MTG2: variants seen among roughly 807,000 people sequenced by gnomAD.
MTG2 encodes the protein mitochondrial ribosome associated GTPase 2, also known as mitochondrial ribosome-associated GTPase 2.
MTG2 carries 23 observed loss-of-function variants against 28.6 expected under a neutral mutation model. The ratio of observed to expected loss-of-function variants is 0.80; its 90% CI spans 0.58 to 1.14. The LOEUF (loss-of-function observed/expected upper bound fraction) is 1.14. Ranked by LOEUF, MTG2 falls within the 50% of genes most tolerant of loss-of-function variation. The pLI is 0.00. For missense variants in MTG2, 539 were observed against 552.0 expected, an observed-to-expected ratio of 0.98 and a Z score of 0.24; for synonymous variants, 260 against 251.8, an observed-to-expected ratio of 1.03 and a Z score of -0.31.
At chr20:62,190,292 T>C (rs2057930906) in intron 1 of MTG2, among the ~76,000 whole-genome samples, 1 of 152,230 alleles carries the variant, frequency 6.6e-6, no homozygotes, top group Non-Finnish European at 1.5e-5. Context: ...GCCTTTCATG[T>C]GGATTACTTC....
chr20:62,198,950 T>C (rs1186885818), intron 5 of MTG2, 98 bp downstream of exon 5: 11 of 1,558,660 alleles, frequency 7.1e-6, no homozygotes, highest in Admixed American at 7.0e-5. Context: ...AGAGAACAGC[T>C]TTGCGACTCA....
In MTG2 at chr20:62,201,416, C is replaced by T. The variant is rs1269060741; in HGVS notation, c.*339C>T. The T allele has an allele frequency of 3.3e-6, 1 of 300,358 alleles. No homozygotes were observed. The highest frequency in any genetic ancestry group is 6.3e-6 in the Non-Finnish European group (1 of 158,510). 18.6% of individuals were successfully genotyped at this position (300,358 alleles called of 1,614,324 possible). A position where few individuals can be genotyped will look rare whatever the true frequency, so the allele number is the denominator to read the frequency against. On this transcript the variant is annotated 3_prime_UTR_variant, in exon 7 of 7. Transcript: ENST00000370823. ...TCTCCGCCATGCACGCGTGGACTCT[C>T]GGATGAGCTCAGCAGAACCGCACAG...
chr20:62,199,226 C>A lies in MTG2; in HGVS notation c.795C>A (p.Ile265=). The A allele has an allele frequency of 1.2e-6, 2 of 1,614,100 alleles. No individual in the cohort carries two copies. Among genetic ancestry groups the A allele is most frequent in the Non-Finnish European group, 1.7e-6 (2 of 1,179,954 alleles). ...PFTTLKPHVG[I]VHYEGHLQIA... is the part of the protein sequence containing the mutation. ...CCACCCTGAAGCCCCACGTCGGGATCGTCCACTACGAAGGCCACCTACAAA... is the reference window on the plus strand; with the variant it reads ...CCACCCTGAAGCCCCACGTCGGGATAGTCCACTACGAAGGCCACCTACAAA... Residue 265 remains isoleucine, a synonymous_variant, in exon 6 of 7, where the codon ATC becomes ATA. Transcript: ENST00000370823.
chr20:62,201,490 C>T lies in MTG2; in HGVS notation c.*413C>T, dbSNP rs1033177036. 7.0e-5 allele frequency: 12 copies of T among 170,418 alleles called. No homozygotes were observed. Among genetic ancestry groups the T allele is most frequent in the South Asian group, 3.3e-4 (2 of 6,082 alleles). 10.6% of individuals were successfully genotyped at this position (170,418 alleles called of 1,614,324 possible). ...AGACCAGGGTTCTCAGCACAGTGCCCGTCGTGCTTCCATGGCTTGCTACGG... is the reference window on the plus strand; with the variant it reads ...AGACCAGGGTTCTCAGCACAGTGCCTGTCGTGCTTCCATGGCTTGCTACGG... On this transcript the variant is annotated 3_prime_UTR_variant, in exon 7 of 7. Transcript: ENST00000370823.
intron 1 of MTG2, among the ~76,000 whole-genome samples, chr20:62,189,202 G>A (rs1273153082): frequency 6.6e-6 from 1 of 152,008 alleles, no homozygotes. Context: ...CTACTCAGGA[G>A]GCTGAGGCAG....
In MTG2 at chr20:62,201,773, G is replaced by C. The variant is rs1435944808; in HGVS notation, c.*696G>C. The C allele has an allele frequency of 6.6e-6, 1 of 152,288 alleles. No homozygotes were observed. The highest frequency in any genetic ancestry group is 1.5e-5 in the Non-Finnish European group (1 of 68,088). The allele number at this position is 152,288 out of a possible 1,614,324, so 9.4% of individuals were successfully genotyped here. On this transcript the variant is annotated 3_prime_UTR_variant, in exon 7 of 7. Transcript: ENST00000370823. ...GCTCAGTGGGAGCCAGGAAGCCTCA[G>C]GCTTCACGACTGAATGCACCCAATA...
intron 2 of MTG2, 30 bp from the exon 3 acceptor site, chr20:62,195,772 G>A (rs997055988): frequency 6.2e-7 from 1 of 1,613,496 alleles, no homozygotes; most frequent in Admixed American, 1.7e-5. Flanking sequence ...GGAGTGTTGA[G>A]ATGACGTGGG....
chr20:62,189,950 A>G, intron 1 of MTG2, among the ~76,000 whole-genome samples: 1 of 152,234 alleles, frequency 6.6e-6, no homozygotes, highest in Non-Finnish European at 1.5e-5. Context: ...GGCATGAGCC[A>G]CCGCGCCCAG....
intron 1 of MTG2, among the ~76,000 whole-genome samples, chr20:62,186,108 G>A (rs1324523858): frequency 6.6e-6 from 1 of 152,090 alleles, no homozygotes; most frequent in African/African-American, 2.4e-5. Flanking sequence ...CTGAGCCGTG[G>A]CTATGCTTGT....
chr20:62,189,612 T>C (rs916375001), intron 1 of MTG2, among the ~76,000 whole-genome samples: 2 of 152,078 alleles, frequency 1.3e-5, no homozygotes, highest in African/African-American at 4.8e-5. Context: ...GCTAGCTCTT[T>C]TTAATCCACT....
In MTG2 at chr20:62,193,491, C is replaced by G. The variant is rs1410874175; in HGVS notation, c.71C>G (p.Ser24Cys). The change falls in exon 2 of 7, where the codon TCC becomes TGC. Residue 24 changes from serine to cysteine, a missense_variant. Coordinates refer to ENST00000370823, the MANE Select transcript of MTG2 (RefSeq NM_015666.4). ...VFQGVGHWALSTWAGLKPSRL... is the reference protein window; with the variant it reads ...VFQGVGHWALCTWAGLKPSRL... ...CAGGGCGTGGGGCATTGGGCTTTGT[C>G]CACATGGGCTGGCCTGAAGCCCAGC... is the stretch of plus-strand genomic sequence containing the variant. The G allele has an allele frequency of 6.2e-7, 1 of 1,614,024 alleles. No homozygotes were observed. Among genetic ancestry groups the G allele is most frequent in the Non-Finnish European group, 8.5e-7 (1 of 1,180,050 alleles).
chr20:62,196,239 G>A (rs887158611), intron 3 of MTG2, among the ~76,000 whole-genome samples: 7 of 151,200 alleles, frequency 4.6e-5, no homozygotes, highest in Non-Finnish European at 7.4e-5. Context: ...ACATGGTAGC[G>A]TGCACCTGTG....
intron 3 of MTG2, 48 bp from the exon 4 acceptor site, chr20:62,197,804 C>A: frequency 1.3e-6 from 2 of 1,538,714 alleles, no homozygotes; most frequent in Middle Eastern, 1.7e-4. Flanking sequence ...AGCAATAGGC[C>A]ATGGTTGTCG....
At chr20:62,196,037 G>C in intron 3 of MTG2, 88 bp downstream of exon 3, 5 of 1,502,620 alleles carry the variant, frequency 3.3e-6, no homozygotes, top group Non-Finnish European at 4.5e-6. Flanking sequence ...GTATGGGCAG[G>C]CACAGTGGCT....
At chr20:62,198,313 C>T (rs575129640) in intron 4 of MTG2, 24 of 524,752 alleles carry the variant, frequency 4.6e-5, no homozygotes, top group East Asian at 4.4e-4. Flanking sequence ...AGCGGGCCTG[C>T]GTCTCCTTCG....
chr20:62,192,588 T>C (rs2057980941), intron 1 of MTG2, among the ~76,000 whole-genome samples: 1 of 151,954 alleles, frequency 6.6e-6, no homozygotes, highest in African/African-American at 2.4e-5. Flanking sequence ...GGCCGAAAGG[T>C]CCAGGCTTCT....
chr20:62,200,389 A>G, intron 6 of MTG2: 1 of 331,316 alleles, frequency 3.0e-6, no homozygotes, highest in Non-Finnish European at 5.5e-6. Context: ...ATCCTATTAG[A>G]AGCAGAAAGA....
At position 62,195,782 on chromosome 20, in the gene MTG2, G is replaced by A. The variant is rs141690361; in HGVS notation, c.205-20G>A. On this transcript the variant is annotated intron_variant, in intron 2 of 6. Coordinates refer to ENST00000370823, the MANE Select transcript of MTG2 (RefSeq NM_015666.4). ...ACCTTGGAGTGTTGAGATGACGTGG[G>A]ATATTTGTGTTCTCTGTAGAAAAGG... The A allele has an allele frequency of 1.1e-4, 175 of 1,613,988 alleles. 1 individual carries two copies. In the East Asian group the frequency reaches 2.9e-3, roughly 27 times the overall value.
At chr20:62,185,239 C>T (rs111580392) in intron 1 of MTG2, among the ~76,000 whole-genome samples, 3,918 of 151,832 alleles carry the variant, frequency 0.026, 74 homozygotes, top group Non-Finnish European at 0.04. Context: ...TGGTGAAACC[C>T]TGTCTCTACT....
Sources: gnomAD v4.1 joint callset for allele counts (sites outside exome capture counted in the v4.1 genomes callset) on GRCh38, gnomAD v4.1.1 for gene constraint, MANE v1.5 for transcripts, NCBI Gene and HGNC (gene_info 2026-07-23, HGNC 2026-07-21) for gene names.